PPP3CA: variants seen among roughly 807,000 people sequenced by gnomAD.
The protein encoded by PPP3CA is CAM-PRP catalytic subunit.
In PPP3CA, 14 loss-of-function variants were observed where a neutral mutation model predicts 66.5. The observed-to-expected ratio is 0.21, with a 90% CI of 0.14 to 0.33. PPP3CA has a LOEUF of 0.33. Ranked by LOEUF, PPP3CA falls within the 10% of genes least tolerant of loss-of-function variation. The pLI, the probability that PPP3CA is intolerant of heterozygous loss-of-function variation, is 1.00. For missense variants in PPP3CA, 317 were observed against 639.5 expected (o/e 0.50, Z 5.44); for synonymous variants, 232 against 226.2 (o/e 1.03, Z -0.23).
At chr4:101,100,637 T>C (rs1396890196) in intron 3 of PPP3CA, among the ~76,000 whole-genome samples, 1 of 152,158 alleles carries the variant, frequency 6.6e-6, no homozygotes, top group Non-Finnish European at 1.5e-5. Flanking sequence ...TGACATTTGT[T>C]AAGAATCCAT....
At chr4:101,302,461 T>A (rs1435526363) in intron 1 of PPP3CA, among the ~76,000 whole-genome samples, 2 of 152,200 alleles carry the variant, frequency 1.3e-5, no homozygotes, top group African/African-American at 4.8e-5. Context: ...CTGTAACAAG[T>A]TTGTTATAGC....
intron 6 of PPP3CA, among the ~76,000 whole-genome samples, chr4:101,092,696 T>C (rs1730009110): frequency 6.6e-6 from 1 of 152,164 alleles, no homozygotes; most frequent in Non-Finnish European, 1.5e-5. Flanking sequence ...TGTTTGGTTT[T>C]CTGTTCTTGT....
intron 1 of PPP3CA, among the ~76,000 whole-genome samples, chr4:101,269,291 C>T (rs1256743251): frequency 2.0e-5 from 3 of 152,078 alleles, no homozygotes; most frequent in Non-Finnish European, 4.4e-5. Context: ...CACTATCCTC[C>T]TCAAAATATT....
chr4:101,275,942 A>G (rs1578619851), intron 1 of PPP3CA, among the ~76,000 whole-genome samples: 1 of 148,936 alleles, frequency 6.7e-6, no homozygotes, highest in African/African-American at 2.5e-5. Context: ...TGTTGCCCAG[A>G]CTGGAGTGCT....
intron 1 of PPP3CA, among the ~76,000 whole-genome samples, chr4:101,238,593 A>G (rs1421148479): frequency 6.6e-6 from 1 of 152,058 alleles, no homozygotes; most frequent in Admixed American, 6.6e-5. Context: ...TCCTCCATAC[A>G]AAGTACTAAA....
chr4:101,074,196 T>A (rs1273281332), intron 8 of PPP3CA, among the ~76,000 whole-genome samples: 1 of 152,160 alleles, frequency 6.6e-6, no homozygotes, highest in Non-Finnish European at 1.5e-5. Flanking sequence ...TTCAACTTTG[T>A]AGGGGAGTGA....
chr4:101,184,093 C>T (rs541528615), intron 2 of PPP3CA, among the ~76,000 whole-genome samples: 3 of 152,246 alleles, frequency 2.0e-5, no homozygotes, highest in South Asian at 4.1e-4. Context: ...TGTCCTTTGA[C>T]TCAACAGGGA....
intron 6 of PPP3CA, among the ~76,000 whole-genome samples, chr4:101,090,963 T>C (rs1405277802): frequency 6.7e-6 from 1 of 149,254 alleles, no homozygotes; most frequent in Admixed American, 6.7e-5. Context: ...CACATATCTG[T>C]GTCTATATTA....
intron 2 of PPP3CA, among the ~76,000 whole-genome samples, chr4:101,141,811 T>A (rs1180422921): frequency 6.6e-6 from 1 of 152,362 alleles, no homozygotes; most frequent in East Asian, 1.9e-4. Context: ...CACTCCTGCA[T>A]CCTGACTTAT....
intron 1 of PPP3CA, among the ~76,000 whole-genome samples, chr4:101,290,926 A>G (rs984074247): frequency 6.6e-6 from 1 of 152,202 alleles, no homozygotes; most frequent in Non-Finnish European, 1.5e-5. Context: ...CGCAAGAGAC[A>G]TTGGAGCTAG....
In PPP3CA at chr4:101,083,257, C is replaced by T. The variant is rs182123502; in HGVS notation, c.789G>A (p.Pro263=). Residue 263 remains proline (P), a synonymous_variant, in exon 7 of 14, where the codon CCG becomes CCA. Coordinates refer to ENST00000394854, the MANE Select transcript of PPP3CA (RefSeq NM_000944.5). ...VRGCSYFYSY[P]AVCEFLQHNN... is the part of the protein sequence containing the mutation. Reference sequence around the variant, plus strand: ...TGTGCTGTAAGAATTCACATACAGCCGGGTAACTGCCAGAGACAAAAAGAA... The same window carrying T: ...TGTGCTGTAAGAATTCACATACAGCTGGGTAACTGCCAGAGACAAAAAGAA... 2.0e-5 allele frequency: 32 copies of T among 1,607,892 alleles called. No homozygotes were observed. Among genetic ancestry groups the T allele is most frequent in the Admixed American group, 8.4e-5 (5 of 59,432 alleles).
chr4:101,058,244 G>T (rs933149364), intron 10 of PPP3CA, among the ~76,000 whole-genome samples: 1 of 152,122 alleles, frequency 6.6e-6, no homozygotes, highest in Non-Finnish European at 1.5e-5. Context: ...TAATTAGCCT[G>T]TGTGTAAATT....
intron 1 of PPP3CA, among the ~76,000 whole-genome samples, chr4:101,206,099 G>A (rs917215498): frequency 6.6e-6 from 1 of 152,136 alleles, no homozygotes; most frequent in African/African-American, 2.4e-5. Flanking sequence ...TACACTGTTT[G>A]CTTCCTTCTG....
intron 1 of PPP3CA, among the ~76,000 whole-genome samples, chr4:101,231,245 TA>T (rs1156462266): frequency 6.6e-6 from 1 of 151,650 alleles, no homozygotes; most frequent in African/African-American, 2.4e-5. Context: ...AGCTTTCCTC[TA>T]GGGGGAGAAT....
chr4:101,226,691 A>G (rs1241059113), intron 1 of PPP3CA, among the ~76,000 whole-genome samples: 1 of 151,672 alleles, frequency 6.6e-6, no homozygotes, highest in African/African-American at 2.4e-5. Flanking sequence ...TTACTCAAAG[A>G]TCTTACAGGA....
At chr4:101,033,618 A>G (rs559800298) in intron 11 of PPP3CA, among the ~76,000 whole-genome samples, 4 of 152,204 alleles carry the variant, frequency 2.6e-5, no homozygotes, top group African/African-American at 4.8e-5. Context: ...ATCTCTTTTG[A>G]TAACAGCTTT....
At position 101,148,336 on chromosome 4, in the gene PPP3CA, C is replaced by G. The variant is rs564569841; in HGVS notation, c.260-39258G>C. Among the ~76,000 whole-genome samples, 4 of 152,066 alleles carry G rather than the reference C, an allele frequency of 2.6e-5. No individual in the cohort carries two copies. In the South Asian group the frequency reaches 8.3e-4, roughly 32 times the overall value. ...TTCCCATTAAAATTTGTGACATTTTCTAGTTTCTCAATATCACTTTTTAAC... is the reference window on the plus strand; with the variant it reads ...TTCCCATTAAAATTTGTGACATTTTGTAGTTTCTCAATATCACTTTTTAAC... On this transcript the variant is annotated intron_variant, in intron 2 of 13. Transcript: ENST00000394854.
intron 2 of PPP3CA, among the ~76,000 whole-genome samples, chr4:101,193,658 G>A (rs2850989): frequency 0.25 from 37,255 of 152,014 alleles, 7,177 homozygotes; most frequent in African/African-American, 0.52. Context: ...GGGACTAGGC[G>A]GCTTCCTGGT....
At chr4:101,321,010 T>C (rs1169936341) in intron 1 of PPP3CA, among the ~76,000 whole-genome samples, 4 of 152,146 alleles carry the variant, frequency 2.6e-5, no homozygotes, top group African/African-American at 7.2e-5. Context: ...AAGAAAAACA[T>C]TGATGTTTGT....
Sources: allele counts gnomAD v4.1 joint callset (sites outside exome capture counted in the v4.1 genomes callset), GRCh38; gene constraint gnomAD v4.1.1; transcripts MANE v1.5; gene names NCBI Gene and HGNC (gene_info 2026-07-23, HGNC 2026-07-21).